SYNE1: variants seen among roughly 807,000 people sequenced by gnomAD.
SYNE1 encodes spectrin repeat containing nuclear envelope protein 1.
A neutral mutation model predicts 1,111.0 loss-of-function variants in SYNE1; 616 were observed. The ratio of observed to expected loss-of-function variants is 0.55; its 90% CI spans 0.52 to 0.59. The LOEUF (loss-of-function observed/expected upper bound fraction) is 0.59, where lower values mean the gene tolerates loss of function less well. SYNE1 is among the 20% of genes least tolerant of loss of function. The pLI, the probability that SYNE1 is intolerant of heterozygous loss-of-function variation, is 0.00. For synonymous variants in SYNE1, 3,855 were observed against 3,825.8 expected, an observed-to-expected ratio of 1.01 and a Z score of -0.28; for missense variants, 10,006 against 10,417.0, an observed-to-expected ratio of 0.96 and a Z score of 1.72.
chr6:152,583,605 T>C (rs909197740), intron 3 of SYNE1, among the ~76,000 whole-genome samples: 1 of 152,180 alleles, frequency 6.6e-6, no homozygotes, highest in Non-Finnish European at 1.5e-5. Flanking sequence ...AAATAGGCTG[T>C]GTCTGTTTTT....
At chr6:152,406,082 C>T (rs1161474785) in intron 45 of SYNE1, among the ~76,000 whole-genome samples, 1 of 152,024 alleles carries the variant, frequency 6.6e-6, no homozygotes, top group Non-Finnish European at 1.5e-5. Flanking sequence ...CAGTGCCTGA[C>T]ATATCTTAGG....
intron 3 of SYNE1, among the ~76,000 whole-genome samples, chr6:152,560,631 G>A (rs2099392221): frequency 6.6e-6 from 1 of 151,958 alleles, no homozygotes; most frequent in Non-Finnish European, 1.5e-5. Context: ...AAGAATACAA[G>A]AAAAGAAAAT....
intron 4 of SYNE1, among the ~76,000 whole-genome samples, chr6:152,536,399 T>TA (rs1280672550): frequency 0.036 from 2,721 of 75,600 alleles, 134 homozygotes; most frequent in African/African-American, 0.095. Context: ...TTTATATATA[T>TA]ACTATATATA....
intron 11 of SYNE1, among the ~76,000 whole-genome samples, chr6:152,494,485 C>T (rs921281992): frequency 1.1e-4 from 17 of 152,184 alleles, no homozygotes; most frequent in African/African-American, 3.9e-4. Context: ...GGCCTAATTG[C>T]CACTCACCAG....
chr6:152,485,428 T>C (rs9397513), intron 12 of SYNE1, among the ~76,000 whole-genome samples: 36,959 of 152,128 alleles, frequency 0.24, 4,911 homozygotes, highest in East Asian at 0.46. Context: ...AAATTGCATA[T>C]ATCAAAATAA....
rs183069132 is a variant in SYNE1, at chr6:152,538,047, A to G, written c.129+1913T>C. Among the ~76,000 whole-genome samples the G allele has an allele frequency of 1.2e-4, 19 of 152,318 alleles. No individual in the cohort carries two copies. In the East Asian group the frequency reaches 3.5e-3, roughly 28 times the overall value. On this transcript the variant is annotated intron_variant, in intron 4 of 145. Transcript: ENST00000367255. ...ACATGAAAGGGGAGACAAGCTCATC[A>G]CTGCCATTATTCCAGGGTTGAGTTC...
chr6:152,401,088 A>C (rs770952278), intron 47 of SYNE1, 50 bp downstream of exon 47: 2 of 1,574,210 alleles, frequency 1.3e-6, no homozygotes, highest in South Asian at 2.2e-5. Context: ...ACAAAACAGA[A>C]CTACAATCAC....
chr6:152,577,873 T>C (rs747598168), intron 3 of SYNE1, among the ~76,000 whole-genome samples: 22 of 152,140 alleles, frequency 1.4e-4, no homozygotes, highest in South Asian at 8.3e-4. Context: ...AAAATGCTTA[T>C]AGTATCCAAC....
intron 11 of SYNE1, 40 bp from the exon 12 acceptor site, chr6:152,488,543 G>T (rs778310482): frequency 9.0e-7 from 1 of 1,105,300 alleles, no homozygotes. Context: ...TAGTATCTGT[G>T]CATTTATTTA....
intron 16 of SYNE1, among the ~76,000 whole-genome samples, chr6:152,466,390 C>T (rs1477143528): frequency 2.6e-5 from 4 of 152,104 alleles, no homozygotes; most frequent in African/African-American, 9.7e-5. Context: ...TTAGAAAGCA[C>T]TAAATTTAGA....
chr6:152,402,404 C>G (rs1457561985), intron 46 of SYNE1: 2 of 152,240 alleles, frequency 1.3e-5, no homozygotes, highest in South Asian at 2.1e-4. Flanking sequence ...ATAATATCCT[C>G]ATATGGTGGT....
intron 91 of SYNE1, among the ~76,000 whole-genome samples, chr6:152,303,098 C>CTTTTTTTTTTTTTT (rs71017533): frequency 1.2e-4 from 13 of 107,082 alleles, no homozygotes; most frequent in Admixed American, 2.1e-4. Context: ...AACTATTATT[C>CTTTTTTTTTTTTTT]TTTTTTTTTT....
In SYNE1 at chr6:152,239,910, C is replaced by T. The variant is rs1830820; in HGVS notation, c.19894-204G>A. Among the ~76,000 whole-genome samples the T allele has an allele frequency of 0.74, 113,299 of 152,086 alleles. 42,755 individuals are homozygous for T. The highest frequency in any genetic ancestry group is 0.89 in the East Asian group (4,611 of 5,172). ...CCGTTTCTACTAAAAATACAAAAAT[C>T]AGCCGGGCATGCTGGTGTGTGCCTG... On this transcript the variant is annotated intron_variant, in intron 107 of 145. Coordinates refer to ENST00000367255, the MANE Select transcript of SYNE1 (RefSeq NM_182961.4).
At chr6:152,482,339 T>C (rs890126556) in intron 14 of SYNE1, among the ~76,000 whole-genome samples, 40 of 152,296 alleles carry the variant, frequency 2.6e-4, no homozygotes, top group African/African-American at 8.7e-4. Context: ...TTCAAAAATA[T>C]CAATAATTTG....
rs746003253 is a variant in SYNE1 at position 152,221,041 on chromosome 6, T to C, written c.21662A>G (p.Asn7221Ser). ...NTLKEVNMRWNNLLEEIAEQL... is the reference protein window; with the variant it reads ...NTLKEVNMRWSNLLEEIAEQL... ...CTCAGCAATCTCTTCCAGCAAGTTA[T>C]TCCATCTGGAAATAATAACCAACAC... Residue 7221 changes from asparagine (N) to serine (S), a missense_variant, in exon 119 of 146, where the codon AAT becomes AGT. Physicochemically the swap from Asn to Ser is conservative, Grantham distance 46. Around this residue, in one of 7 missense-constraint regions of SYNE1, gnomAD observed 2,182 missense variants for 2,287.8 expected, o/e 0.95. Coordinates refer to ENST00000367255, the MANE Select transcript of SYNE1 (RefSeq NM_182961.4). 1 of 1,614,086 alleles carries C rather than the reference T, an allele frequency of 6.2e-7. No homozygotes were observed. The highest frequency in any genetic ancestry group is 1.1e-5 in the South Asian group (1 of 91,082).
intron 131 of SYNE1, among the ~76,000 whole-genome samples, chr6:152,161,129 A>G (rs1586559720): frequency 1.3e-5 from 2 of 149,924 alleles, no homozygotes; most frequent in African/African-American, 4.9e-5. Flanking sequence ...CCCCCAAAAA[A>G]GAATAAAGAA....
chr6:152,326,200 T>C (rs2153953778), intron 79 of SYNE1, 96 bp downstream of exon 79: 6 of 1,611,970 alleles, frequency 3.7e-6, no homozygotes, highest in Non-Finnish European at 5.1e-6. Context: ...CAGGGAAAAA[T>C]GAATTTACGT....
At chr6:152,180,350 C>A in intron 128 of SYNE1, 56 bp from the exon 129 acceptor site, 1 of 1,547,028 alleles carries the variant, frequency 6.5e-7, no homozygotes, top group Non-Finnish European at 8.9e-7. Flanking sequence ...GAAGACCACA[C>A]TCCAAGGAAA....
At chr6:152,201,389 TC>T (rs902791809) in intron 127 of SYNE1, among the ~76,000 whole-genome samples, 2 of 152,104 alleles carry the variant, frequency 1.3e-5, no homozygotes, top group African/African-American at 4.8e-5. Context: ...AAGCTATTTT[TC>T]CCCCTTTCCT....
Sources: gnomAD v4.1 joint callset for allele counts (sites outside exome capture counted in the v4.1 genomes callset) on GRCh38, gnomAD v4.1.1 for gene constraint, gnomAD v4.1.1 regional missense constraint, MANE v1.5 for transcripts, NCBI Gene and HGNC (gene_info 2026-07-23, HGNC 2026-07-21) for gene names.